The following CNGB1 variants were observed in gnomAD, a reference collection of about 807,000 sequenced individuals.
CNGB1 encodes cyclic nucleotide gated channel subunit beta 1.
A neutral mutation model predicts 151.7 loss-of-function variants in CNGB1; 126 were observed. The ratio of observed to expected loss-of-function variants is 0.83; its 90% CI spans 0.72 to 0.96. The LOEUF is 0.96. Ranked by LOEUF, CNGB1 falls within the 40% of genes least tolerant of loss-of-function variation. The probability of loss-of-function intolerance (pLI) is 0.00; values close to 1 mark genes in which losing one functional copy is unlikely to be tolerated. For missense variants in CNGB1, 1,698 were observed against 1,627.0 expected, an observed-to-expected ratio of 1.04 and a Z score of -0.75; for synonymous variants, 623 against 635.1, an observed-to-expected ratio of 0.98 and a Z score of 0.29.
At chr16:57,957,434 C>T (rs933386621) in intron 11 of CNGB1, 57 bp from the exon 12 acceptor site, 28 of 1,507,514 alleles carry the variant, frequency 1.9e-5, no homozygotes, top group East Asian at 4.5e-5. Context: ...CCAGCCTCCC[C>T]GTTTCAGCCA....
intron 23 of CNGB1, among the ~76,000 whole-genome samples, chr16:57,913,975 C>G (rs187848436): frequency 2.8e-4 from 42 of 152,340 alleles, no homozygotes; most frequent in Non-Finnish European, 4.6e-4. Flanking sequence ...GCTATACCAC[C>G]TCTAGATCTT....
intron 12 of CNGB1, chr16:57,954,960 G>A (rs1962047522): frequency 3.7e-6 from 4 of 1,091,508 alleles, no homozygotes; most frequent in Non-Finnish European, 3.4e-6. Flanking sequence ...TGTTGCCCAC[G>A]GTGGTCTCGA....
At chr16:57,901,697 C>T (rs1960397750) in intron 27 of CNGB1, 72 bp from the exon 28 acceptor site, 3 of 1,253,402 alleles carry the variant, frequency 2.4e-6, no homozygotes, top group East Asian at 2.4e-5. Context: ...CGGCCAAGTG[C>T]CCACCTACTG....
intron 16 of CNGB1, among the ~76,000 whole-genome samples, chr16:57,933,667 G>A (rs1243296182): frequency 6.6e-6 from 1 of 152,132 alleles, no homozygotes. Flanking sequence ...CGGGAAGCAG[G>A]GAGATTTTGA....
chr16:57,898,677 A>G lies in CNGB1; in HGVS notation c.2977-763T>C, dbSNP rs1202581311. ...GTGATCTGCCTGCCTTAGCCTCCCAAAGTGCTGGGATTACAGGCATGAGCC... is the reference window on the plus strand; with the variant it reads ...GTGATCTGCCTGCCTTAGCCTCCCAGAGTGCTGGGATTACAGGCATGAGCC... On this transcript the variant is annotated intron_variant, in intron 29 of 32. Coordinates refer to ENST00000251102, the MANE Select transcript of CNGB1 (RefSeq NM_001297.5). Among the ~76,000 whole-genome samples, 3 of 152,142 alleles carry G rather than the reference A, an allele frequency of 2.0e-5. No homozygotes were observed. The South Asian group carries it at 6.2e-4, about 32-fold the overall frequency.
In CNGB1 at chr16:57,959,990, G is replaced by T. The variant is rs756293354; in HGVS notation, c.659C>A (p.Pro220His). 24 of 1,589,988 alleles carry T rather than the reference G, an allele frequency of 1.5e-5. No homozygotes were observed. Among genetic ancestry groups the T allele is most frequent in the South Asian group, 2.3e-5 (2 of 87,398 alleles). ...CTTGGGTTCCTCCTTGGGCTGCAGG[G>T]GGATGGGTGTGGGCAGGGAGGGGGT... ...RETPSLPTPI[P>H]LQPKEEPKEA... The change falls in exon 10 of 33, where the codon CCC (proline) becomes CAC (histidine). Residue 220 changes from proline to histidine, a missense_variant. Coordinates refer to ENST00000251102, the MANE Select transcript of CNGB1 (RefSeq NM_001297.5).
intron 9 of CNGB1, among the ~76,000 whole-genome samples, 178 bp downstream of exon 9, chr16:57,960,304 G>A (rs985277170): frequency 3.3e-5 from 5 of 152,184 alleles, no homozygotes; most frequent in African/African-American, 1.2e-4. Context: ...TTCCCAGCCT[G>A]GACTGGGGAG....
At chr16:57,970,527 C>T (rs1015340545) in intron 1 of CNGB1, among the ~76,000 whole-genome samples, 9 of 152,342 alleles carry the variant, frequency 5.9e-5, no homozygotes, top group African/African-American at 1.4e-4. Context: ...CCCAGGTAGT[C>T]GTGGCATTTG....
At chr16:57,942,894 T>C (rs564118086) in intron 14 of CNGB1, among the ~76,000 whole-genome samples, 10 of 151,162 alleles carry the variant, frequency 6.6e-5, no homozygotes, top group Non-Finnish European at 1.3e-4. Flanking sequence ...CCACATTGAT[T>C]GAACACTACT....
intron 25 of CNGB1, 102 bp downstream of exon 25, chr16:57,911,651 A>G (rs1960714588): frequency 6.5e-7 from 1 of 1,532,438 alleles, no homozygotes; most frequent in South Asian, 1.1e-5. Context: ...GGCCTTGGCA[A>G]TACAGCAGCA....
At chr16:57,884,694 G>A (rs574410786) in intron 32 of CNGB1, among the ~76,000 whole-genome samples, 3 of 152,274 alleles carry the variant, frequency 2.0e-5, no homozygotes, top group African/African-American at 7.2e-5. Flanking sequence ...AAAGTCTTGG[G>A]ATGTCTTAGA....
chr16:57,953,581 T>A (rs2149383266), intron 12 of CNGB1, among the ~76,000 whole-genome samples: 1 of 150,786 alleles, frequency 6.6e-6, no homozygotes, highest in South Asian at 2.1e-4. Flanking sequence ...CCAGGGCACA[T>A]GAATTCTAGG....
intron 12 of CNGB1, 83 bp downstream of exon 12, chr16:57,957,258 C>G: frequency 7.4e-7 from 1 of 1,356,328 alleles, no homozygotes; most frequent in South Asian, 1.2e-5. Context: ...GGGACAGCCC[C>G]CCTGCCCACA....
At position 57,928,950 on chromosome 16, in the gene CNGB1, G is replaced by T. The variant is rs1320958203; in HGVS notation, c.1535+2766C>A. ...CACTATGCCCAGCCCACATTATATT[G>T]TCTAATAATACAATGGGTAGATGAC... On this transcript the variant is annotated intron_variant, in intron 17 of 32. Transcript: ENST00000251102. 4.6e-5 allele frequency among the ~76,000 whole-genome samples: 7 copies of T among 152,176 alleles called. No individual in the cohort carries two copies. The South Asian group carries it at 1.5e-3, about 32-fold the overall frequency.
chr16:57,950,602 A>G, intron 12 of CNGB1, 62 bp from the exon 13 acceptor site: 1 of 1,583,568 alleles, frequency 6.3e-7, no homozygotes, highest in Non-Finnish European at 8.6e-7. Flanking sequence ...TGGGCCTCTG[A>G]GTCCCAGGGA....
At chr16:57,948,206 A>G (rs1961855518) in intron 14 of CNGB1, among the ~76,000 whole-genome samples, 1 of 152,078 alleles carries the variant, frequency 6.6e-6, no homozygotes, top group African/African-American at 2.4e-5. Flanking sequence ...CTGCCAGATC[A>G]TGCCACTCTC....
chr16:57,926,399 G>A (rs1213845537), intron 17 of CNGB1, among the ~76,000 whole-genome samples: 2 of 152,148 alleles, frequency 1.3e-5, no homozygotes, highest in African/African-American at 4.8e-5. Flanking sequence ...CTAGGCCAGC[G>A]CTCTTCCCCA....
intron 8 of CNGB1, 86 bp downstream of exon 8, chr16:57,960,754 C>CAGCCTGCTGGAGGAGGCAG (rs1962231225): frequency 6.9e-7 from 1 of 1,442,876 alleles, no homozygotes; most frequent in African/African-American, 1.4e-5. Context: ...TGGGTGGGGA[C>CAGCCTGCTGGAGGAGGCAG]AGCCTGCTGG....
At chr16:57,889,725 G>C (rs1379070769) in intron 31 of CNGB1, among the ~76,000 whole-genome samples, 2 of 152,182 alleles carry the variant, frequency 1.3e-5, no homozygotes, top group Non-Finnish European at 2.9e-5. Context: ...TAGAAGTTCA[G>C]AGGGGGTGAG....
Sources: gnomAD v4.1 joint callset for allele counts (sites outside exome capture counted in the v4.1 genomes callset) on GRCh38, gnomAD v4.1.1 for gene constraint, MANE v1.5 for transcripts, NCBI Gene and HGNC (gene_info 2026-07-23, HGNC 2026-07-21) for gene names.